Variants in ERI2 observed in about 807,000 individuals in gnomAD.
The protein encoded by ERI2 is ERI1 exoribonuclease 2.
Under a neutral mutation model 46.8 loss-of-function variants are expected in ERI2, and 35 were observed. The ratio of observed to expected loss-of-function variants is 0.75; its 90% CI spans 0.57 to 0.99. The LOEUF is 0.99. Ranked by LOEUF, ERI2 falls within the 50% of genes least tolerant of loss-of-function variation. The probability of loss-of-function intolerance (pLI) is 0.00; values close to 1 mark genes in which losing one functional copy is unlikely to be tolerated. For missense variants in ERI2, 695 were observed against 796.2 expected (o/e 0.87, Z 1.53); for synonymous variants, 224 against 271.0 (o/e 0.83, Z 1.70).
chr16:20,786,317 T>C (rs1249660471), intron 10 of ERI2: 1 of 1,360,582 alleles, frequency 7.3e-7, no homozygotes, highest in Non-Finnish European at 9.7e-7. Context: ...ATTAGAAATG[T>C]TAGCTTCTTG....
At chr16:20,780,453 A>G in exon 11 of ERI2, 1 of 657,776 alleles carries the variant, frequency 1.5e-6, no homozygotes, top group Non-Finnish European at 2.5e-6. Flanking sequence ...AAAATGCTTC[A>G]ATCCTTCTTT....
chr16:20,789,983 A>G (rs2080561845), intron 9 of ERI2, among the ~76,000 whole-genome samples: 1 of 151,884 alleles, frequency 6.6e-6, no homozygotes, highest in African/African-American at 2.4e-5. Context: ...CAGCAATCCT[A>G]TTTTTCGATT....
At chr16:20,784,196 G>A (rs1336691955) in intron 10 of ERI2, among the ~76,000 whole-genome samples, 2 of 152,118 alleles carry the variant, frequency 1.3e-5, no homozygotes, top group African/African-American at 4.8e-5. Context: ...TTCTGGCACT[G>A]TGTTGTGCAA....
chr16:20,804,280 T>A (rs947646162), intron 1 of ERI2, among the ~76,000 whole-genome samples: 4 of 152,214 alleles, frequency 2.6e-5, no homozygotes, highest in Non-Finnish European at 5.9e-5. Flanking sequence ...CTGCATTTTT[T>A]AAGCTCTTGC....
intron 8 of ERI2, 94 bp from the exon 9 acceptor site, chr16:20,799,161 T>C (rs2080769185): frequency 6.6e-7 from 1 of 1,517,008 alleles, no homozygotes; most frequent in Non-Finnish European, 8.8e-7. Flanking sequence ...AGAAATGTCA[T>C]TGATTTATAA....
At position 20,803,461 on chromosome 16, in the gene ERI2, A is replaced by C; in HGVS notation, c.147T>G (p.Asp49Glu). ...VIDFESTCWN[D>E]GKHHHSQEII... The stretch of plus-strand genomic sequence containing the variant: ...TTTCCTGGCTATGGTGGTGCTTCCC[A>C]TCATTCCAGCATGTCGATTCAAAAT... The change falls in exon 3 of 9, where the codon GAT becomes GAG. Residue 49 changes from aspartate to glutamate, a missense_variant. By Grantham distance (45) the Asp-to-Glu change is conservative. Transcript: ENST00000357967. The C allele has an allele frequency of 6.2e-7, 1 of 1,614,062 alleles. No homozygotes were observed. The highest frequency in any genetic ancestry group is 8.5e-7 in the Non-Finnish European group (1 of 1,179,934).
intron 10 of ERI2, chr16:20,784,968 C>G (rs1450248687): frequency 6.2e-7 from 1 of 1,603,614 alleles, no homozygotes; most frequent in South Asian, 1.1e-5. Context: ...TCTAACTTAT[C>G]TGGTTTTCTG....
chr16:20,798,114 G>T lies in ERI2; in HGVS notation c.1686C>A (p.Cys562Ter). The T allele has an allele frequency of 6.4e-7, 1 of 1,551,544 alleles. No homozygotes were observed. Among genetic ancestry groups the T allele is most frequent in the South Asian group, 1.2e-5 (1 of 84,058 alleles). Reference protein sequence around the residue: ...IHEEKPTSSDCSPVRSSSWRR... With the variant: ...IHEEKPTSSD ...TCCAGGAAGAACTTCTTACTGGGGAGCAATCAGATGATGTAGGCTTTTCTT... is the reference window on the plus strand; with the variant it reads ...TCCAGGAAGAACTTCTTACTGGGGATCAATCAGATGATGTAGGCTTTTCTT... Residue 562 changes from cysteine (C) to a stop codon, truncating the protein, a stop_gained, in exon 9 of 9, where the codon TGC (cysteine) becomes TGA (stop). Transcript: ENST00000357967. LOFTEE classifies it high-confidence loss of function.
Position 20,802,914 on chromosome 16 carries a change from G to A in ERI2, c.185C>T (p.Pro62Leu), listed in dbSNP as rs2080811528. Reference protein sequence around the residue: ...HHHSQEIIEFPAVLLNTSTGQ... With the variant: ...HHHSQEIIEFLAVLLNTSTGQ... The stretch of plus-strand genomic sequence containing the variant: ...AGTTGATGTGTTCAGCAACACTGCT[G>A]GAAACTCAACTAAATGAAAGAATAA... Residue 62 changes from proline to leucine, a missense_variant, in exon 4 of 9, where the codon CCA (proline) becomes CTA (leucine). Physicochemically the swap from Pro to Leu is moderately conservative, Grantham distance 98. Transcript: ENST00000357967. The A allele has an allele frequency of 1.3e-6, 2 of 1,582,366 alleles. No individual in the cohort carries two copies. The highest frequency in any genetic ancestry group is 1.2e-5 in the South Asian group (1 of 86,158).
chr16:20,800,442 C>A, intron 5 of ERI2, 40 bp from the exon 6 acceptor site: 1 of 1,283,222 alleles, frequency 7.8e-7, no homozygotes. Context: ...GTCAATGATG[C>A]CAGCATTTTT....
In ERI2 at chr16:20,790,555, T is replaced by G. The variant is rs778238116; in HGVS notation, c.815+295A>C. The G allele has an allele frequency of 8.2e-6, 13 of 1,576,512 alleles. No individual in the cohort carries two copies. The highest frequency in any genetic ancestry group is 1.1e-5 in the Non-Finnish European group (13 of 1,153,128). On this transcript the variant is annotated intron_variant, in intron 9 of 10. Coordinates refer to the ERI2 transcript ENST00000300005. The surrounding 1 kb of genome is among the most constrained non-coding windows in gnomAD (Gnocchi z 4.0). ...TTAAGCTGCGACATTAAACAAAAAT[T>G]TCCTTAAATAAATTGTTCTATTTTA... is the stretch of plus-strand genomic sequence containing the variant.
rs1052743414 is a variant in ERI2 at position 20,796,807 on chromosome 16, A to G, written c.*917T>C. The G allele has an allele frequency of 1.3e-6, 2 of 1,583,818 alleles. 1 individual carries two copies. The highest frequency in any genetic ancestry group is 2.4e-5 in the South Asian group (2 of 84,220). On this transcript the variant is annotated 3_prime_UTR_variant, in exon 9 of 9. Transcript: ENST00000357967. The stretch of plus-strand genomic sequence containing the variant: ...ATTCTAATTCTTCCACCTAGAATTC[A>G]TAATCAAACTGCTATATAATTGGCT...
chr16:20,784,312 A>G (rs1351875336), intron 10 of ERI2, among the ~76,000 whole-genome samples: 1 of 152,220 alleles, frequency 6.6e-6, no homozygotes, highest in Non-Finnish European at 1.5e-5. Context: ...TTCAATATCC[A>G]TATAGGGCTA....
Position 20,797,112 on chromosome 16 carries a change from T to C in ERI2, c.*612A>G, listed in dbSNP as rs542000693. ...GATTTAAAATATCTTGTGGTTATGATATCAGAGGCTAAATTTTGAAATAAA... is the reference window on the plus strand; with the variant it reads ...GATTTAAAATATCTTGTGGTTATGACATCAGAGGCTAAATTTTGAAATAAA... On this transcript the variant is annotated 3_prime_UTR_variant, in exon 9 of 9. Coordinates refer to ENST00000357967, the MANE Select transcript of ERI2 (RefSeq NM_001142725.2). The C allele has an allele frequency of 1.4e-6, 2 of 1,383,264 alleles. No individual in the cohort carries two copies. The highest frequency in any genetic ancestry group is 3.0e-5 in the African/African-American group (2 of 66,568). 85.7% of individuals were successfully genotyped at this position (1,383,264 alleles called of 1,614,324 possible). A position where few individuals can be genotyped will look rare whatever the true frequency, so the allele number is the denominator to read the frequency against.
rs900939806 is a variant in ERI2, at chr16:20,806,137, G to A, written c.23+271C>T. ...AGTCGTTTCCCAAGGCCTAAAATAGGCAGGCACTGGCTCAAGGCCACACAG... is the reference window on the plus strand; with the variant it reads ...AGTCGTTTCCCAAGGCCTAAAATAGACAGGCACTGGCTCAAGGCCACACAG... On this transcript the variant is annotated intron_variant, in intron 1 of 8. Coordinates refer to ENST00000357967, the MANE Select transcript of ERI2 (RefSeq NM_001142725.2). 5.2e-6 allele frequency: 7 copies of A among 1,351,004 alleles called. No individual in the cohort carries two copies. The South Asian group carries it at 1.1e-4, about 22-fold the overall frequency. 83.7% of individuals were successfully genotyped at this position (1,351,004 alleles called of 1,614,324 possible).
chr16:20,803,545 T>C, intron 2 of ERI2, 29 bp from the exon 3 acceptor site: 1 of 1,613,950 alleles, frequency 6.2e-7, no homozygotes, highest in Non-Finnish European at 8.5e-7. Flanking sequence ...TTCTTATGCT[T>C]TACCAGTGCT....
rs112979251 is a variant in ERI2, at chr16:20,806,425, C to G, written c.6G>C (p.Ala2=). The change falls in exon 1 of 9, where the codon GCG becomes GCC. Residue 2 remains alanine (A), a synonymous_variant. Transcript: ENST00000357967. ...TCGAGTACCGCGCGAGCCGCTTGGT[C>G]GCCATTCCCGACACTCCTTGCTTTT... M[A]TKRLARQLGL... is the part of the protein sequence containing the mutation. 1.9e-5 allele frequency: 30 copies of G among 1,553,154 alleles called. No individual in the cohort carries two copies. The highest frequency in any genetic ancestry group is 3.3e-4 in the Middle Eastern group (2 of 5,992).
At position 20,803,477 on chromosome 16, in the gene ERI2, G is replaced by T. The variant is rs200942956; in HGVS notation, c.131C>A (p.Ser44Ter). 18 of 1,613,792 alleles carry T rather than the reference G, an allele frequency of 1.1e-5. No homozygotes were observed. The Admixed American group carries it at 2.2e-4, about 19-fold the overall frequency. ...FDYLIVIDFE[S>*]TCWNDGKHHH... The stretch of plus-strand genomic sequence containing the variant: ...GTGCTTCCCATCATTCCAGCATGTC[G>T]ATTCAAAATCAATGACAATTAAGTA... The change falls in exon 3 of 9, where the codon TCG becomes TAG. Residue 44 changes from serine to a stop codon, truncating the protein, a stop_gained. Coordinates refer to ENST00000357967, the MANE Select transcript of ERI2 (RefSeq NM_001142725.2). LOFTEE classifies it high-confidence loss of function.
In ERI2 at chr16:20,790,887, A is replaced by G; in HGVS notation, c.778T>C (p.Ser260Pro). The stretch of plus-strand genomic sequence containing the variant: ...TGAAGAAAAGCATGCTGGTCCCCTG[A>G]GGCCAGATCACTGTTCCAGGTCCAC... Residue 260 changes from serine to proline, a missense_variant, in exon 9 of 11, where the codon TCA becomes CCA. Transcript: ENST00000300005. The surrounding 1 kb of genome is among the most constrained non-coding windows in gnomAD (Gnocchi z 4.0). The G allele has an allele frequency of 6.2e-7, 1 of 1,614,112 alleles. No individual in the cohort carries two copies. The highest frequency in any genetic ancestry group is 8.5e-7 in the Non-Finnish European group (1 of 1,179,982).
Sources: gnomAD v4.1 joint callset for allele counts (sites outside exome capture counted in the v4.1 genomes callset) on GRCh38, gnomAD v4.1.1 for gene constraint, Gnocchi (gnomAD v3.1) non-coding constraint, MANE v1.5 for transcripts, NCBI Gene and HGNC (gene_info 2026-07-23, HGNC 2026-07-21) for gene names.